SMYD3: variants seen among roughly 807,000 people sequenced by gnomAD.
SMYD3 encodes histone-lysine N-methyltransferase SMYD3.
Under a neutral mutation model 57.7 loss-of-function variants are expected in SMYD3, and 36 were observed. The observed-to-expected ratio is 0.62, with a 90% CI of 0.48 to 0.82. The LOEUF (loss-of-function observed/expected upper bound fraction) is 0.82, where lower values mean the gene tolerates loss of function less well. Ranked by LOEUF, SMYD3 falls within the 40% of genes least tolerant of loss-of-function variation. SMYD3 has a pLI of 0.00. For synonymous variants in SMYD3, 211 were observed against 195.0 expected (o/e 1.08, Z -0.68); for missense variants, 515 against 538.8 (o/e 0.96, Z 0.44).
chr1:246,164,130 C>G (rs192972754), intron 5 of SMYD3, among the ~76,000 whole-genome samples: 14 of 152,220 alleles, frequency 9.2e-5, no homozygotes, highest in African/African-American at 3.4e-4. Flanking sequence ...AGGGGTTGAC[C>G]TGGGATCCCA....
chr1:246,069,991 G>T (rs377000255), intron 5 of SMYD3, among the ~76,000 whole-genome samples: 2 of 152,278 alleles, frequency 1.3e-5, no homozygotes, highest in African/African-American at 2.4e-5. Flanking sequence ...AGGCAGGCTT[G>T]TGGAGGTGCT....
chr1:245,936,762 C>G (rs2056999576), intron 5 of SMYD3, among the ~76,000 whole-genome samples: 1 of 1,232 alleles, frequency 8.1e-4, no homozygotes, highest in African/African-American at 9.9e-4. Flanking sequence ...GGGCATGATG[C>G]CATGCACCTA....
intron 5 of SMYD3, among the ~76,000 whole-genome samples, chr1:246,153,291 C>T (rs1558272350): frequency 6.6e-6 from 1 of 152,212 alleles, no homozygotes; most frequent in South Asian, 2.1e-4. Context: ...ACCATCCATT[C>T]TCCTGTGTTC....
chr1:246,331,680 C>A (rs886335949), intron 3 of SMYD3, among the ~76,000 whole-genome samples: 2 of 152,326 alleles, frequency 1.3e-5, no homozygotes, highest in South Asian at 4.1e-4. Flanking sequence ...CATTTTATCA[C>A]ACTTCACTTT....
intron 5 of SMYD3, among the ~76,000 whole-genome samples, chr1:246,307,935 G>A (rs1171635720): frequency 1.3e-5 from 2 of 152,122 alleles, no homozygotes; most frequent in East Asian, 3.9e-4. Context: ...AGGTACCTCG[G>A]TAGCCTATTT....
rs201241848 is a variant in SMYD3 at position 246,335,439 on chromosome 1, T to C, written c.264A>G (p.Lys88=). 4.3e-6 allele frequency: 7 copies of C among 1,614,040 alleles called. No individual in the cohort carries two copies. The highest frequency in any genetic ancestry group is 5.1e-6 in the Non-Finnish European group (6 of 1,180,032). Residue 88 remains lysine (K), a synonymous_variant, in exon 3 of 12, where the codon AAA becomes AAG. Transcript: ENST00000490107. The stretch of plus-strand genomic sequence containing the variant: ...ATCTGGGTTTGCAGCTTTTAAGGCA[T>C]TTGCATTCCCGCTTGTGGTCTGGCC... ...KAWPDHKREC[K]CLKSCKPRYP...
chr1:246,008,747 T>A (rs1454677041), intron 5 of SMYD3, among the ~76,000 whole-genome samples: 1 of 152,140 alleles, frequency 6.6e-6, no homozygotes, highest in Non-Finnish European at 1.5e-5. Context: ...TCGGTTTCGT[T>A]TTTTCATGCT....
chr1:246,183,177 A>T (rs536406104), intron 5 of SMYD3, among the ~76,000 whole-genome samples: 1 of 152,322 alleles, frequency 6.6e-6, no homozygotes, highest in Non-Finnish European at 1.5e-5. Context: ...CAACAAAAGT[A>T]TTGCGAAGTC....
chr1:246,212,692 C>T (rs1253284954), intron 5 of SMYD3, among the ~76,000 whole-genome samples: 1 of 152,056 alleles, frequency 6.6e-6, no homozygotes, highest in Non-Finnish European at 1.5e-5. Flanking sequence ...TCAAGTACTG[C>T]CAAGTTGAAT....
chr1:245,985,854 T>A (rs780940229), intron 5 of SMYD3, among the ~76,000 whole-genome samples: 2 of 152,192 alleles, frequency 1.3e-5, no homozygotes, highest in Non-Finnish European at 2.9e-5. Context: ...TGTTCTTGAC[T>A]TTGGACTCCT....
intron 1 of SMYD3, among the ~76,000 whole-genome samples, chr1:246,488,371 G>C (rs2068219310): frequency 6.6e-6 from 1 of 152,198 alleles, no homozygotes; most frequent in Admixed American, 6.5e-5. Context: ...CTCAGAAAAA[G>C]TCCAAGCTAA....
At chr1:246,177,820 T>C (rs1181243064) in intron 5 of SMYD3, among the ~76,000 whole-genome samples, 6 of 152,188 alleles carry the variant, frequency 3.9e-5, no homozygotes, top group Non-Finnish European at 8.8e-5. Flanking sequence ...AGATATTAAG[T>C]AGAGCAATTA....
At chr1:246,444,149 CAG>C (rs1271121368) in intron 1 of SMYD3, among the ~76,000 whole-genome samples, 2 of 136,672 alleles carry the variant, frequency 1.5e-5, no homozygotes. Flanking sequence ...TTTTTGGAGA[CAG>C]AGTCTCGTTC....
chr1:245,854,081 T>C (rs1048227207), intron 10 of SMYD3, among the ~76,000 whole-genome samples: 3 of 152,218 alleles, frequency 2.0e-5, no homozygotes, highest in African/African-American at 7.2e-5. Flanking sequence ...ATACTATTTA[T>C]GGACAACAAA....
intron 5 of SMYD3, among the ~76,000 whole-genome samples, chr1:246,256,770 T>G (rs2063902108): frequency 7.0e-6 from 1 of 143,574 alleles, no homozygotes. Flanking sequence ...AATCATTAAA[T>G]TGGGATCTTT....
chr1:246,286,666 C>T (rs924166771), intron 5 of SMYD3, among the ~76,000 whole-genome samples: 56 of 151,964 alleles, frequency 3.7e-4, no homozygotes, highest in African/African-American at 1.3e-3. Context: ...TTTGTATATC[C>T]ACCTAGTATA....
intron 5 of SMYD3, among the ~76,000 whole-genome samples, chr1:246,093,562 A>G (rs894261248): frequency 6.6e-6 from 1 of 152,210 alleles, no homozygotes; most frequent in Non-Finnish European, 1.5e-5. Context: ...TGGGAGCTAA[A>G]ACAATTTGAG....
intron 8 of SMYD3, among the ~76,000 whole-genome samples, chr1:245,903,262 AG>A (rs780750513): frequency 1.3e-5 from 2 of 152,228 alleles, no homozygotes; most frequent in South Asian, 2.1e-4. Context: ...TTGAAGGCAG[AG>A]CTTTTGAAAT....
chr1:245,902,725 C>A (rs564360155), intron 8 of SMYD3, among the ~76,000 whole-genome samples: 1 of 152,332 alleles, frequency 6.6e-6, no homozygotes, highest in South Asian at 2.1e-4. Context: ...CACTAAAGAA[C>A]CTGTGATCAC....
Sources: gnomAD v4.1 joint callset for allele counts (sites outside exome capture counted in the v4.1 genomes callset) on GRCh38, gnomAD v4.1.1 for gene constraint, MANE v1.5 for transcripts, NCBI Gene and HGNC (gene_info 2026-07-23, HGNC 2026-07-21) for gene names.